Variants in COL16A1 observed in about 807,000 individuals in gnomAD.
COL16A1 encodes the protein collagen alpha-1(XVI) chain.
In COL16A1, 189 loss-of-function variants were observed where a neutral mutation model predicts 266.3. The observed-to-expected ratio is 0.71, with a 90% confidence interval of 0.63 to 0.80. COL16A1 has a LOEUF of 0.80. Among genes scored for constraint, COL16A1 ranks in the 30% least tolerant of loss-of-function variants. COL16A1 has a pLI of 0.00. For synonymous variants in COL16A1, 740 were observed against 782.3 expected, an observed-to-expected ratio of 0.95 and a Z score of 0.90; for missense variants, 1,928 against 2,122.4, an observed-to-expected ratio of 0.91 and a Z score of 1.80.
At chr1:31,675,382 C>T (rs1643100873) in intron 42 of COL16A1, 71 bp from the exon 43 acceptor site, 5 of 1,570,236 alleles carry the variant, frequency 3.2e-6, no homozygotes, top group Admixed American at 3.7e-5. Context: ...GTTTCCTTCT[C>T]ATCATCCCCG....
chr1:31,673,122 C>T (rs1165382050), intron 44 of COL16A1: 3 of 488,312 alleles, frequency 6.1e-6, no homozygotes, highest in Non-Finnish European at 7.6e-6. Context: ...GCGAGGGGCC[C>T]GCAGAGGGAC....
intron 55 of COL16A1, 105 bp downstream of exon 55, chr1:31,665,478 C>G: frequency 5.6e-6 from 9 of 1,598,522 alleles, no homozygotes; most frequent in Non-Finnish European, 7.7e-6. Flanking sequence ...CCTGCCTCTC[C>G]CCTCTTCTCC....
intron 52 of COL16A1, 24 bp from the exon 53 acceptor site, chr1:31,666,105 C>T: frequency 6.2e-7 from 1 of 1,604,826 alleles, no homozygotes; most frequent in Non-Finnish European, 8.5e-7. Flanking sequence ...GGAACAGAAT[C>T]AGTCACTCCT....
At chr1:31,680,870 C>T in intron 39 of COL16A1, 35 bp downstream of exon 39, 1 of 1,614,030 alleles carries the variant, frequency 6.2e-7, no homozygotes. Context: ...GCTGCTAATC[C>T]CCTAGAATAT....
Position 31,662,355 on chromosome 1 carries a change from CT to C in COL16A1, c.3659del (p.Lys1220ArgfsTer7), listed in dbSNP as rs1421016277. ...GPAGLDGLDG[K>X]DGKPGLRGDP... ...TCACCCTCAAGCCAGGCTTGCCGTC[CT>C]TCCCATCCAAACCATCCAGACCGGC... On this transcript the variant is annotated frameshift_variant, in exon 58 of 71. Coordinates refer to ENST00000373672, the MANE Select transcript of COL16A1 (RefSeq NM_001856.4). LOFTEE classifies it high-confidence loss of function. 6.2e-7 allele frequency: 1 copy of C among 1,612,928 alleles called. No homozygotes were observed. The highest frequency in any genetic ancestry group is 8.5e-7 in the Non-Finnish European group (1 of 1,179,626).
intron 13 of COL16A1, 64 bp from the exon 14 acceptor site, chr1:31,692,872 G>A: frequency 6.7e-7 from 1 of 1,497,200 alleles, no homozygotes; most frequent in Non-Finnish European, 9.3e-7. Context: ...GATGTGTTGT[G>A]AGGAGGATCG....
intron 66 of COL16A1, 68 bp from the exon 67 acceptor site, chr1:31,655,570 T>A: frequency 1.3e-6 from 2 of 1,586,136 alleles, no homozygotes; most frequent in Non-Finnish European, 8.6e-7. Flanking sequence ...CTCTTTTCTC[T>A]CCACCCTCCC....
intron 47 of COL16A1, 96 bp downstream of exon 47, chr1:31,672,320 G>T: frequency 7.2e-7 from 1 of 1,388,368 alleles, no homozygotes; most frequent in Non-Finnish European, 1.0e-6. Context: ...GTGGTAAAGG[G>T]CATCAGTCAG....
chr1:31,691,229 G>A lies in COL16A1; in HGVS notation c.1399-3C>T. 2 of 1,613,982 alleles carry A rather than the reference G, an allele frequency of 1.2e-6. No individual in the cohort carries two copies. The highest frequency in any genetic ancestry group is 1.7e-6 in the Non-Finnish European group (2 of 1,179,926). On this transcript the variant is annotated splice_polypyrimidine_tract_variant and splice_region_variant and intron_variant, in intron 19 of 70. Transcript: ENST00000373672. Reference sequence around the variant, plus strand: ...CCTGGTGGGCCACCTGGATCCCCCTGAGGGCAGAAACAGAGTCACGTGGAA... The same window carrying A: ...CCTGGTGGGCCACCTGGATCCCCCTAAGGGCAGAAACAGAGTCACGTGGAA...
intron 21 of COL16A1, 29 bp downstream of exon 21, chr1:31,690,500 C>A: frequency 6.2e-7 from 1 of 1,614,094 alleles, no homozygotes; most frequent in South Asian, 1.1e-5. Flanking sequence ...GAAGAGCCGA[C>A]CCTCCCCCGC....
In COL16A1 at chr1:31,692,350, A is replaced by G. The variant is rs1015103961; in HGVS notation, c.1194+124T>C. Reference sequence around the variant, plus strand: ...CTGGGGTGGGGGAGATGGGGGAGGGAGGGTCCTGCCAGCTCTGTGCCCACT... The same window carrying G: ...CTGGGGTGGGGGAGATGGGGGAGGGGGGGTCCTGCCAGCTCTGTGCCCACT... On this transcript the variant is annotated intron_variant, in intron 16 of 70. Coordinates refer to ENST00000373672, the MANE Select transcript of COL16A1 (RefSeq NM_001856.4). 1.2e-5 allele frequency: 17 copies of G among 1,427,366 alleles called. No homozygotes were observed. In the Admixed American group the frequency reaches 2.7e-4, roughly 23 times the overall value. 88.4% of individuals were successfully genotyped at this position (1,427,366 alleles called of 1,614,324 possible). A position where few individuals can be genotyped will look rare whatever the true frequency, so the allele number is the denominator to read the frequency against.
In COL16A1 at chr1:31,668,078, G is replaced by C. The variant is rs1642297031; in HGVS notation, c.3303+87C>G. The C allele has an allele frequency of 8.2e-7, 1 of 1,226,946 alleles. No individual in the cohort carries two copies. Among genetic ancestry groups the C allele is most frequent in the South Asian group, 1.3e-5 (1 of 77,196 alleles). 76.0% of individuals were successfully genotyped at this position (1,226,946 alleles called of 1,614,324 possible). A position where few individuals can be genotyped will look rare whatever the true frequency, so the allele number is the denominator to read the frequency against. ...TGCCCGGTAATGGGGAGCCCGCCGA[G>C]GGTTGCCCAGCCTGGCTGTGTCCTG... On this transcript the variant is annotated intron_variant, in intron 51 of 70. Transcript: ENST00000373672. This position sits in a 1 kb window ranked among gnomAD's most constrained non-coding sequence, Gnocchi z 5.8.
In COL16A1 at chr1:31,698,251, A is replaced by G. The variant is rs1644584198; in HGVS notation, c.391-79T>C. On this transcript the variant is annotated intron_variant, in intron 5 of 70. Transcript: ENST00000373672. This position sits in a 1 kb window ranked among gnomAD's most constrained non-coding sequence, Gnocchi z 4.1. ...CCATGGGCACGTTCAGGGACCTTGAACTCATTTCACAGGAGGGGAACTGAG... is the reference window on the plus strand; with the variant it reads ...CCATGGGCACGTTCAGGGACCTTGAGCTCATTTCACAGGAGGGGAACTGAG... 1 of 1,575,496 alleles carries G rather than the reference A, an allele frequency of 6.3e-7. No individual in the cohort carries two copies.
intron 35 of COL16A1, 39 bp downstream of exon 35, chr1:31,683,295 C>A (rs1228613830): frequency 1.2e-5 from 20 of 1,614,220 alleles, no homozygotes; most frequent in Non-Finnish European, 1.6e-5. Flanking sequence ...GAATGGCCCC[C>A]TCCCCTGCTA....
rs1643959322 is a variant in COL16A1 at position 31,686,119 on chromosome 1, A to T, written c.1856T>A (p.Val619Glu). 1.2e-6 allele frequency: 2 copies of T among 1,613,906 alleles called. No homozygotes were observed. Among genetic ancestry groups the T allele is most frequent in the African/African-American group, 2.7e-5 (2 of 74,862 alleles). Reference protein sequence around the residue: ...PAGSPGPPGPVGPAGIKGAKG... With the variant: ...PAGSPGPPGPEGPAGIKGAKG... ...CGCCCCTTTGATGCCTGCTGGCCCC[A>T]CTGGTCCTGGTGGCCCCTGCATGTT... Residue 619 changes from valine (V) to glutamate (E), a missense_variant, in exon 28 of 71, where the codon GTG becomes GAG. By Grantham distance (121) the Val-to-Glu change is moderately radical (BLOSUM62 -2). Transcript: ENST00000373672.
chr1:31,661,172 AC>A, intron 60 of COL16A1, 53 bp from the exon 61 acceptor site: 1 of 1,543,448 alleles, frequency 6.5e-7, no homozygotes, highest in South Asian at 1.2e-5. Context: ...TGACATCCCT[AC>A]CCCAAGTCAA....
chr1:31,698,313 GCTATACAT>G lies in COL16A1; in HGVS notation c.391-149_391-142del. ...GAAGAAAGCCGGCTGGGGTCAAGGA[GCTATACAT>G]CCTGAAAGAATGAGGTAGGTACTGG... On this transcript the variant is annotated intron_variant, in intron 5 of 70. Coordinates refer to ENST00000373672, the MANE Select transcript of COL16A1 (RefSeq NM_001856.4). The surrounding 1 kb of genome is among the most constrained non-coding windows in gnomAD (Gnocchi z 4.1). 1 of 1,534,022 alleles carries G rather than the reference GCTATACAT, an allele frequency of 6.5e-7. No individual in the cohort carries two copies. Among genetic ancestry groups the G allele is most frequent in the Non-Finnish European group, 8.8e-7 (1 of 1,141,124 alleles).
intron 22 of COL16A1, 52 bp from the exon 23 acceptor site, chr1:31,689,903 G>A (rs761163394): frequency 4.7e-5 from 72 of 1,519,722 alleles, no homozygotes; most frequent in Non-Finnish European, 5.8e-5. Context: ...AGACCCCAGG[G>A]AAGGCAAGGG....
chr1:31,684,810 C>T lies in COL16A1; in HGVS notation c.2052+11G>A, dbSNP rs78189411. 124 of 1,613,878 alleles carry T rather than the reference C, an allele frequency of 7.7e-5. No homozygotes were observed. The highest frequency in any genetic ancestry group is 2.0e-4 in the Admixed American group (12 of 60,006). On this transcript the variant is annotated intron_variant, in intron 30 of 70. Coordinates refer to ENST00000373672, the MANE Select transcript of COL16A1 (RefSeq NM_001856.4). ...CCATGCCCACCCCCGTGCCCACGGA[C>T]GCCCTCTCACCTTCTGCCCCTTCAG...
Sources: gnomAD v4.1 joint callset for allele counts on GRCh38, gnomAD v4.1.1 for gene constraint, Gnocchi (gnomAD v3.1) non-coding constraint, MANE v1.5 for transcripts, NCBI Gene and HGNC (gene_info 2026-07-23, HGNC 2026-07-21) for gene names.